The following MYL4 variants were observed in gnomAD, a reference collection of about 807,000 sequenced individuals.
MYL4 encodes myosin light chain 4, also known as atrial myosin light chain 1.
In MYL4, 16 loss-of-function variants were observed where a neutral mutation model predicts 21.6. The ratio of observed to expected loss-of-function variants is 0.74; its 90% CI spans 0.50 to 1.12. The LOEUF (loss-of-function observed/expected upper bound fraction) is 1.12, where lower values mean the gene tolerates loss of function less well. MYL4 is among the 50% of genes most tolerant of loss of function. The pLI, the probability that MYL4 is intolerant of heterozygous loss-of-function variation, is 0.00. For missense variants in MYL4, 249 were observed against 252.9 expected (o/e 0.98, Z 0.11); for synonymous variants, 82 against 95.7 (o/e 0.86, Z 0.83).
chr17:47,215,697 T>TAGATATCCTCC (rs1250416079), intron 2 of MYL4, among the ~76,000 whole-genome samples: 3 of 152,224 alleles, frequency 2.0e-5, no homozygotes, highest in African/African-American at 7.2e-5. Flanking sequence ...CAGCATCCTC[T>TAGATATCCTCC]AGATATCCTC....
upstream of MYL4, among the ~76,000 whole-genome samples, chr17:47,206,975 C>A (rs1041246599): frequency 1.3e-5 from 2 of 152,126 alleles, no homozygotes; most frequent in African/African-American, 4.8e-5. Flanking sequence ...ACTCCCAACC[C>A]CTGTGGGGAA....
At position 47,222,355 on chromosome 17, in the gene MYL4, G is replaced by A. The variant is rs778770451; in HGVS notation, c.488-25G>A. 42 of 1,611,082 alleles carry A rather than the reference G, an allele frequency of 2.6e-5. No homozygotes were observed. In the Middle Eastern group the frequency reaches 4.9e-4, roughly 19 times the overall value. ...TCCTTTGCCATCTGTAATTAAGAGC[G>A]CACCACCTCCCAAACCCACCGCAGG... On this transcript the variant is annotated intron_variant, in intron 4 of 6. Coordinates refer to ENST00000393450, the MANE Select transcript of MYL4 (RefSeq NM_002476.2).
At chr17:47,215,338 C>A (rs1201504779) in intron 2 of MYL4, among the ~76,000 whole-genome samples, 2 of 152,216 alleles carry the variant, frequency 1.3e-5, no homozygotes, top group Non-Finnish European at 2.9e-5. Context: ...ATGGTTATCT[C>A]TTCTCTCCTG....
At chr17:47,210,393 G>A (rs978649399) in intron 1 of MYL4, among the ~76,000 whole-genome samples, 1 of 152,106 alleles carries the variant, frequency 6.6e-6, no homozygotes, top group African/African-American at 2.4e-5. Flanking sequence ...GAGAGGGGTG[G>A]GCTGAAGAGG....
At chr17:47,203,230 G>T (rs1213895718) in intron 1 of MYL4, among the ~76,000 whole-genome samples, 1 of 152,078 alleles carries the variant, frequency 6.6e-6, no homozygotes, top group African/African-American at 2.4e-5. Flanking sequence ...GGAATACTGG[G>T]CTAAAACATT....
At chr17:47,227,158 G>A (rs1184447506), downstream of MYL4, among the ~76,000 whole-genome samples, 6 of 152,076 alleles carry the variant, frequency 3.9e-5, no homozygotes, top group African/African-American at 1.4e-4. Context: ...GCCCAGCCGG[G>A]AAGCATTTTC....
At chr17:47,225,855 C>CTTTTTTTTTT (rs60342000), downstream of MYL4, among the ~76,000 whole-genome samples, 1 of 113,300 alleles carries the variant, frequency 8.8e-6, no homozygotes, top group African/African-American at 3.5e-5. Context: ...TCCTTCCCTT[C>CTTTTTTTTTT]TTTTTTTTTT....
At chr17:47,206,426 A>G (rs1239746415), upstream of MYL4, among the ~76,000 whole-genome samples, 1 of 152,176 alleles carries the variant, frequency 6.6e-6, no homozygotes, top group Non-Finnish European at 1.5e-5. Flanking sequence ...TACAACAATA[A>G]CATAATACTA....
the MYL4 span, among the ~76,000 whole-genome samples, chr17:47,190,734 A>G: frequency 1.3e-5 from 2 of 152,256 alleles, no homozygotes; most frequent in African/African-American, 2.4e-5. Context: ...GAGTGGTAAC[A>G]GACTTTTACA....
chr17:47,220,615 G>C (rs2064848786), intron 3 of MYL4, among the ~76,000 whole-genome samples: 1 of 152,186 alleles, frequency 6.6e-6, no homozygotes, highest in East Asian at 1.9e-4. Flanking sequence ...AGAATGGTGA[G>C]TAAGTGTTTA....
chr17:47,216,771 C>T (rs1161228024), intron 2 of MYL4, among the ~76,000 whole-genome samples: 2 of 151,444 alleles, frequency 1.3e-5, no homozygotes, highest in African/African-American at 2.4e-5. Flanking sequence ...CTCTGCTCAC[C>T]GCAACCTCCG....
Position 47,221,704 on chromosome 17 carries a change from C to A in MYL4, c.336C>A (p.Asp112Glu). ...KPEEMNVKMLDFETFLPILQH... is the reference protein window; with the variant it reads ...KPEEMNVKMLEFETFLPILQH... ...AAGAGATGAATGTCAAGATGCTGGA[C>A]TTTGAGACGTTCTTGCCCATCCTGC... The change falls in exon 4 of 7, where the codon GAC becomes GAA. Residue 112 changes from aspartate to glutamate, a missense_variant. Transcript: ENST00000393450. The A allele has an allele frequency of 6.2e-7, 1 of 1,613,746 alleles. No homozygotes were observed. Among genetic ancestry groups the A allele is most frequent in the Non-Finnish European group, 8.5e-7 (1 of 1,179,756 alleles).
the MYL4 span, among the ~76,000 whole-genome samples, chr17:47,195,395 A>G: frequency 6.6e-6 from 1 of 151,960 alleles, no homozygotes; most frequent in Admixed American, 6.5e-5. Flanking sequence ...ATGCCCAGCT[A>G]ATTTTGTATT....
intron 2 of MYL4, among the ~76,000 whole-genome samples, chr17:47,216,103 T>C (rs1395354768): frequency 6.6e-6 from 1 of 151,884 alleles, no homozygotes; most frequent in Non-Finnish European, 1.5e-5. Context: ...TGTGCTTTTT[T>C]TTTTTTTCCC....
intron 1 of MYL4, among the ~76,000 whole-genome samples, chr17:47,211,073 T>A (rs192872837): frequency 1.4e-3 from 213 of 152,232 alleles, no homozygotes; most frequent in African/African-American, 4.9e-3. Context: ...CCTCTCTCAA[T>A]TTCTCACCCG....
chr17:47,194,824 T>C, the MYL4 span, among the ~76,000 whole-genome samples: 1 of 152,162 alleles, frequency 6.6e-6, no homozygotes, highest in Non-Finnish European at 1.5e-5. Flanking sequence ...TACTGTAGCC[T>C]TAACCTCCCA....
At chr17:47,191,369 C>G in the MYL4 span, among the ~76,000 whole-genome samples, 2 of 152,334 alleles carry the variant, frequency 1.3e-5, no homozygotes, top group Admixed American at 1.3e-4. Flanking sequence ...AAATGTGACC[C>G]TTTCAACTGA....
At chr17:47,205,123 G>C (rs545544443), upstream of MYL4, among the ~76,000 whole-genome samples, 1 of 152,310 alleles carries the variant, frequency 6.6e-6, no homozygotes, top group East Asian at 1.9e-4. Context: ...TCTCCTTTGT[G>C]CATTTGTGTC....
At chr17:47,206,989 G>T (rs2064730568), upstream of MYL4, among the ~76,000 whole-genome samples, 1 of 152,134 alleles carries the variant, frequency 6.6e-6, no homozygotes, top group Non-Finnish European at 1.5e-5. Context: ...TGGGGAATGG[G>T]GTAGGTCAAG....
Sources: allele counts gnomAD v4.1 joint callset (sites outside exome capture counted in the v4.1 genomes callset), GRCh38; gene constraint gnomAD v4.1.1; transcripts MANE v1.5; gene names NCBI Gene and HGNC (gene_info 2026-07-23, HGNC 2026-07-21).